Variants in PSAP observed in about 807,000 individuals in gnomAD.
PSAP encodes the protein prosaposin.
A neutral mutation model predicts 66.0 loss-of-function variants in PSAP; 25 were observed. The ratio of observed to expected loss-of-function variants is 0.38; its 90% CI spans 0.28 to 0.53. The LOEUF (loss-of-function observed/expected upper bound fraction) is 0.53. Among genes scored for constraint, PSAP ranks in the 20% least tolerant of loss-of-function variants. PSAP has a pLI of 0.83. For synonymous variants in PSAP, 273 were observed against 258.9 expected (o/e 1.05, Z -0.52); for missense variants, 649 against 668.8 (o/e 0.97, Z 0.33).
chr10:71,822,054 T>G, intron 7 of PSAP, 47 bp from the exon 8 acceptor site: 1 of 1,613,386 alleles, frequency 6.2e-7, no homozygotes, highest in Non-Finnish European at 8.5e-7. Context: ...CTACGCCCAC[T>G]GCTCCTCAGT....
chr10:71,848,989 G>A (rs1253612948), intron 1 of PSAP, among the ~76,000 whole-genome samples: 7 of 152,110 alleles, frequency 4.6e-5, no homozygotes, highest in Non-Finnish European at 8.8e-5. Context: ...TACCAGAGGT[G>A]GATTTTATAT....
At chr10:71,848,317 TAA>T (rs1490241632) in intron 1 of PSAP, among the ~76,000 whole-genome samples, 1 of 152,216 alleles carries the variant, frequency 6.6e-6, no homozygotes. Flanking sequence ...TAACTTACAC[TAA>T]GTTTTTAAAA....
chr10:71,819,956 G>T, intron 9 of PSAP, 56 bp from the exon 10 acceptor site: 1 of 1,476,156 alleles, frequency 6.8e-7, no homozygotes, highest in Non-Finnish European at 9.4e-7. Flanking sequence ...AGGGTTGGGG[G>T]ACATTCTGAA....
intron 1 of PSAP, among the ~76,000 whole-genome samples, chr10:71,845,489 A>G (rs1269268918): frequency 6.6e-6 from 1 of 152,216 alleles, no homozygotes; most frequent in Admixed American, 6.5e-5. Context: ...TGTTAAAAAG[A>G]AAAAAGGCAG....
intron 7 of PSAP, chr10:71,825,583 G>A (rs1414045787): frequency 4.8e-6 from 3 of 619,466 alleles, no homozygotes; most frequent in Middle Eastern, 4.0e-4. Flanking sequence ...GCCTGAACGG[G>A]CAGAGGCAAA....
At chr10:71,822,285 C>T in intron 7 of PSAP, 3 of 491,568 alleles carry the variant, frequency 6.1e-6, no homozygotes, top group Non-Finnish European at 1.1e-5. Context: ...ACGAGGGAGA[C>T]TCCCCAGCAC....
chr10:71,827,726 C>T (rs1410236191), intron 6 of PSAP, among the ~76,000 whole-genome samples: 1 of 84,560 alleles, frequency 1.2e-5, no homozygotes, highest in Non-Finnish European at 2.4e-5. Flanking sequence ...CACTCAGTCT[C>T]AAAAAAAAAA....
Position 71,816,418 on chromosome 10 carries a change from G to A in PSAP, c.*1023C>T, listed in dbSNP as rs1055754. 8.5e-6 allele frequency: 4 copies of A among 471,238 alleles called. No homozygotes were observed. The highest frequency in any genetic ancestry group is 1.5e-5 in the South Asian group (1 of 64,576). 29.2% of individuals were successfully genotyped at this position (471,238 alleles called of 1,614,324 possible). On this transcript the variant is annotated 3_prime_UTR_variant, in exon 14 of 14. Coordinates refer to ENST00000394936, the MANE Select transcript of PSAP (RefSeq NM_002778.4). ...TTTGCTTGCTGTCTCCTGGCAACCA[G>A]AAGTGGACAGAAGCGTGGGTGCCCA... is the stretch of plus-strand genomic sequence containing the variant.
chr10:71,818,979 G>GC (rs1842235148), intron 12 of PSAP, 52 bp downstream of exon 12: 18 of 1,530,226 alleles, frequency 1.2e-5, no homozygotes, highest in Middle Eastern at 1.7e-4. Flanking sequence ...GGTCTCTGCA[G>GC]CCCCCCAGGT....
chr10:71,830,312 T>C (rs1295398829), intron 4 of PSAP, among the ~76,000 whole-genome samples: 1 of 152,234 alleles, frequency 6.6e-6, no homozygotes, highest in Non-Finnish European at 1.5e-5. Context: ...GTCCAGTCCA[T>C]TTAATCCTCC....
At chr10:71,849,646 A>C (rs112827759) in intron 1 of PSAP, among the ~76,000 whole-genome samples, 2,675 of 152,126 alleles carry the variant, frequency 0.018, 76 homozygotes, top group African/African-American at 0.06. Context: ...CAAAAAAAAA[A>C]CGGCCAATAG....
intron 2 of PSAP, 75 bp from the exon 3 acceptor site, chr10:71,831,995 G>T: frequency 1.5e-6 from 2 of 1,377,766 alleles, no homozygotes; most frequent in Non-Finnish European, 2.1e-6. Context: ...ACTCCCCATG[G>T]CCTTTTCGCT....
chr10:71,820,454 C>A, intron 8 of PSAP, 119 bp from the exon 9 acceptor site: 3 of 793,210 alleles, frequency 3.8e-6, no homozygotes, highest in Middle Eastern at 2.3e-4. Flanking sequence ...AGGGCCACTG[C>A]CTCCTGAATT....
At chr10:71,824,327 T>C (rs1231817024) in intron 7 of PSAP, among the ~76,000 whole-genome samples, 2 of 151,910 alleles carry the variant, frequency 1.3e-5, no homozygotes, top group Non-Finnish European at 2.9e-5. Flanking sequence ...GCTGCCCAAG[T>C]AAGGGGGGTA....
intron 1 of PSAP, among the ~76,000 whole-genome samples, chr10:71,840,620 T>C (rs770437592): frequency 6.6e-6 from 1 of 152,210 alleles, no homozygotes; most frequent in Non-Finnish European, 1.5e-5. Flanking sequence ...AGAGTCCTCA[T>C]ATCACATAAG....
chr10:71,825,921 C>T (rs1176620187), intron 6 of PSAP, 28 bp from the exon 7 acceptor site: 2 of 1,595,020 alleles, frequency 1.3e-6, no homozygotes, highest in Non-Finnish European at 1.7e-6. Context: ...GATTGCTAAA[C>T]AAATCACTGC....
intron 4 of PSAP, among the ~76,000 whole-genome samples, chr10:71,829,374 T>A (rs944803584): frequency 6.6e-6 from 1 of 152,178 alleles, no homozygotes; most frequent in African/African-American, 2.4e-5. Flanking sequence ...CCACGTGTCA[T>A]GTGAGGGACC....
intron 5 of PSAP, 57 bp from the exon 6 acceptor site, chr10:71,828,214 G>A (rs1842432475): frequency 1.9e-6 from 3 of 1,589,100 alleles, no homozygotes; most frequent in South Asian, 1.1e-5. Flanking sequence ...CTAGGAAAAC[G>A]TCCTTATATA....
At chr10:71,836,385 G>A (rs1474041393) in intron 1 of PSAP, among the ~76,000 whole-genome samples, 1 of 152,246 alleles carries the variant, frequency 6.6e-6, no homozygotes, top group Non-Finnish European at 1.5e-5. Context: ...TGAGTCATGA[G>A]GGTAAGGGCT....
Sources: allele counts gnomAD v4.1 joint callset (sites outside exome capture counted in the v4.1 genomes callset), GRCh38; gene constraint gnomAD v4.1.1; transcripts MANE v1.5; gene names NCBI Gene and HGNC (gene_info 2026-07-23, HGNC 2026-07-21).